The following ELOVL7 variants were observed in gnomAD, a reference collection of about 807,000 sequenced individuals.
ELOVL7 encodes the protein ELOVL fatty acid elongase 7, also known as very long chain fatty acid elongase 7.
A neutral mutation model predicts 35.7 loss-of-function variants in ELOVL7; 27 were observed. That is an observed-to-expected ratio of 0.76 (90% confidence interval 0.56 to 1.04). The LOEUF is 1.04. ELOVL7 is among the 50% of genes least tolerant of loss of function. ELOVL7 has a pLI of 0.00. For synonymous variants in ELOVL7, 113 were observed against 114.6 expected (o/e 0.99, Z 0.09); for missense variants, 327 against 340.8 (o/e 0.96, Z 0.32).
At chr5:60,804,593 A>C (rs1744825631) in intron 1 of ELOVL7, among the ~76,000 whole-genome samples, 1 of 152,230 alleles carries the variant, frequency 6.6e-6, no homozygotes, top group Non-Finnish European at 1.5e-5. Context: ...TCTCTATCAG[A>C]AGAAGTGATA....
intron 8 of ELOVL7, among the ~76,000 whole-genome samples, 180 bp from the exon 9 acceptor site, chr5:60,755,013 A>T (rs1287931511): frequency 1.3e-5 from 2 of 152,168 alleles, no homozygotes; most frequent in African/African-American, 2.4e-5. Flanking sequence ...GCCAGTTGGA[A>T]GTATGGATCC....
intron 2 of ELOVL7, 70 bp from the exon 3 acceptor site, chr5:60,787,501 C>T (rs1327569762): frequency 5.8e-6 from 5 of 862,390 alleles, no homozygotes; most frequent in African/African-American, 3.6e-5. Flanking sequence ...TATAGTAATA[C>T]ATTATTTAAA....
intron 2 of ELOVL7, among the ~76,000 whole-genome samples, chr5:60,797,295 A>G (rs1561450133): frequency 6.6e-6 from 1 of 152,184 alleles, no homozygotes; most frequent in Non-Finnish European, 1.5e-5. Flanking sequence ...TTTTGTTTTG[A>G]TGGCTCATGT....
chr5:60,775,441 T>G lies in ELOVL7; in HGVS notation c.65-3348A>C, dbSNP rs576509486. ...AAGATTCAATGCTATTCCTATCAAA[T>G]TACCAATGTTATTTTTTACAAAATT... On this transcript the variant is annotated intron_variant, in intron 3 of 8. Coordinates refer to ENST00000508821, the MANE Select transcript of ELOVL7 (RefSeq NM_024930.3). Among the ~76,000 whole-genome samples the G allele has an allele frequency of 1.2e-3, 182 of 145,988 alleles. 1 individual carries two copies. Among genetic ancestry groups the G allele is most frequent in the Non-Finnish European group, 5.8e-4 (39 of 67,776 alleles).
intron 3 of ELOVL7, among the ~76,000 whole-genome samples, chr5:60,774,483 T>C (rs915622055): frequency 2.0e-5 from 3 of 152,062 alleles, no homozygotes; most frequent in Non-Finnish European, 4.4e-5. Context: ...AAACTAGACA[T>C]TAAAGGAACA....
chr5:60,763,305 T>C (rs16878376), intron 7 of ELOVL7, among the ~76,000 whole-genome samples: 28,607 of 152,162 alleles, frequency 0.19, 4,865 homozygotes, highest in African/African-American at 0.46. Context: ...GGCTTATCCA[T>C]GTCCTCCCAT....
intron 8 of ELOVL7, among the ~76,000 whole-genome samples, chr5:60,755,419 G>A (rs1408667076): frequency 6.6e-6 from 1 of 152,160 alleles, no homozygotes; most frequent in Non-Finnish European, 1.5e-5. Flanking sequence ...AGCACTTTGG[G>A]AGGCTGAGGC....
At chr5:60,768,857 C>G (rs1742407946) in intron 4 of ELOVL7, among the ~76,000 whole-genome samples, 1 of 152,008 alleles carries the variant, frequency 6.6e-6, no homozygotes, top group South Asian at 2.1e-4. Flanking sequence ...TGCCATTGAA[C>G]CATATTTTAA....
intron 2 of ELOVL7, among the ~76,000 whole-genome samples, chr5:60,796,717 AATTTC>A (rs1156664030): frequency 3.3e-5 from 5 of 152,212 alleles, no homozygotes; most frequent in African/African-American, 1.2e-4. Context: ...AGTTTTTCAG[AATTTC>A]ATTTAAATGG....
chr5:60,771,842 T>C, intron 4 of ELOVL7, 61 bp downstream of exon 4: 3 of 1,201,176 alleles, frequency 2.5e-6, no homozygotes, highest in Admixed American at 2.3e-5. Flanking sequence ...GAAAACATAA[T>C]GACACATAAA....
intron 1 of ELOVL7, among the ~76,000 whole-genome samples, chr5:60,813,158 C>A (rs1745327327): frequency 6.6e-6 from 1 of 152,184 alleles, no homozygotes; most frequent in Non-Finnish European, 1.5e-5. Flanking sequence ...TGATCCGTCA[C>A]CTTCACAGGC....
chr5:60,843,233 G>A (rs138837208), intron 1 of ELOVL7, among the ~76,000 whole-genome samples: 1,712 of 152,234 alleles, frequency 0.011, 18 homozygotes, highest in Admixed American at 0.019. Flanking sequence ...CTGGGAGCAG[G>A]ACAGGTGTAA....
chr5:60,754,599 T>TTCGA lies in ELOVL7; in HGVS notation c.*21_*24dup, dbSNP rs1208705172. ...TTGTCAAGGAAGACAATGTATCAGT[T>TTCGA]TCGATCATAGACTTATGTTGGGCTT... is the stretch of plus-strand genomic sequence containing the variant. On this transcript the variant is annotated 3_prime_UTR_variant, in exon 9 of 9. Coordinates refer to ENST00000508821, the MANE Select transcript of ELOVL7 (RefSeq NM_024930.3). 1 of 1,598,950 alleles carries TTCGA rather than the reference T, an allele frequency of 6.3e-7. No individual in the cohort carries two copies. The highest frequency in any genetic ancestry group is 1.3e-5 in the African/African-American group (1 of 74,562).
Position 60,841,742 on chromosome 5 carries a change from G to GT in ELOVL7, c.-86+2417dup, listed in dbSNP as rs924414393. Reference sequence around the variant, plus strand: ...ATGTGCTACGTTTTTCAATAAAAAGGTTTTTTTTTAACTTTATGTGTTTTC... The same window carrying GT: ...ATGTGCTACGTTTTTCAATAAAAAGGTTTTTTTTTTAACTTTATGTGTTTTC... On this transcript the variant is annotated intron_variant, in intron 1 of 8. Transcript: ENST00000508821. Among the ~76,000 whole-genome samples the GT allele has an allele frequency of 6.6e-4, 100 of 151,696 alleles. 1 individual carries two copies. The highest frequency in any genetic ancestry group is 1.9e-3 in the African/African-American group (77 of 41,352).
intron 1 of ELOVL7, among the ~76,000 whole-genome samples, chr5:60,800,128 T>C: frequency 6.6e-6 from 1 of 151,554 alleles, no homozygotes; most frequent in Non-Finnish European, 1.5e-5. Flanking sequence ...CTGAACTCAT[T>C]TCATAAGGTC....
chr5:60,798,560 T>G (rs775005006), intron 2 of ELOVL7, among the ~76,000 whole-genome samples: 1 of 152,170 alleles, frequency 6.6e-6, no homozygotes, highest in Non-Finnish European at 1.5e-5. Flanking sequence ...TAAAAAAAAT[T>G]ATTTTCTTAT....
At chr5:60,764,760 C>T (rs1042768023) in intron 6 of ELOVL7, among the ~76,000 whole-genome samples, 6 of 150,878 alleles carry the variant, frequency 4.0e-5, no homozygotes, top group Admixed American at 6.6e-5. Flanking sequence ...ATTAGGCAAA[C>T]GAAGAGGACT....
chr5:60,768,332 T>C (rs1027472632), intron 4 of ELOVL7, among the ~76,000 whole-genome samples: 1 of 152,232 alleles, frequency 6.6e-6, no homozygotes, highest in African/African-American at 2.4e-5. Flanking sequence ...GTCTTTCTAC[T>C]TAGTCAATAA....
chr5:60,808,894 A>G (rs1398861389), intron 1 of ELOVL7, among the ~76,000 whole-genome samples: 1 of 152,256 alleles, frequency 6.6e-6, no homozygotes, highest in African/African-American at 2.4e-5. Flanking sequence ...AAATTCATCT[A>G]TGAAATTCTG....
Sources: gnomAD v4.1 joint callset for allele counts (sites outside exome capture counted in the v4.1 genomes callset) on GRCh38, gnomAD v4.1.1 for gene constraint, MANE v1.5 for transcripts, NCBI Gene and HGNC (gene_info 2026-07-23, HGNC 2026-07-21) for gene names.